GBE1: variants seen among roughly 807,000 people sequenced by gnomAD.
GBE1 encodes the protein 1,4-alpha-glucan-branching enzyme.
A neutral mutation model predicts 88.8 loss-of-function variants in GBE1; 70 were observed. The ratio of observed to expected loss-of-function variants is 0.79; its 90% CI spans 0.65 to 0.96. GBE1 has a LOEUF of 0.96. Ranked by LOEUF, GBE1 falls within the 40% of genes least tolerant of loss-of-function variation. GBE1 has a pLI of 0.00. For synonymous variants in GBE1, 284 were observed against 300.1 expected (o/e 0.95, Z 0.56); for missense variants, 872 against 871.0 (o/e 1.00, Z -0.01).
chr3:81,606,140 G>A (rs932831451), intron 7 of GBE1, among the ~76,000 whole-genome samples: 7 of 152,066 alleles, frequency 4.6e-5, no homozygotes, highest in East Asian at 1.9e-4. Flanking sequence ...GAAACCTTGC[G>A]TTTACAATGC....
chr3:81,628,247 G>A (rs965471804), intron 7 of GBE1, among the ~76,000 whole-genome samples: 2 of 152,026 alleles, frequency 1.3e-5, no homozygotes, highest in African/African-American at 4.8e-5. Context: ...TCCTGAAATA[G>A]GGGCCATGTC....
chr3:81,503,622 G>A (rs772942065), intron 14 of GBE1, among the ~76,000 whole-genome samples: 3 of 152,158 alleles, frequency 2.0e-5, no homozygotes, highest in Non-Finnish European at 4.4e-5. Flanking sequence ...AGGAAACTGA[G>A]ACTGAATTAG....
chr3:81,520,260 C>A (rs576150030), intron 14 of GBE1, among the ~76,000 whole-genome samples: 1 of 151,422 alleles, frequency 6.6e-6, no homozygotes, highest in Non-Finnish European at 1.5e-5. Flanking sequence ...TCTGTCGGTG[C>A]CATTTTTCTA....
At position 81,588,149 on chromosome 3, in the gene GBE1, T is replaced by C. The variant is rs573052834; in HGVS notation, c.1237-1959A>G. ...AAGGAAGGTATAAGTAAATATATTA[T>C]ATGGTAGAATACATCCATAAGAAAA... On this transcript the variant is annotated intron_variant, in intron 9 of 15. Coordinates refer to ENST00000429644, the MANE Select transcript of GBE1 (RefSeq NM_000158.4). 5.9e-5 allele frequency among the ~76,000 whole-genome samples: 9 copies of C among 152,060 alleles called. No homozygotes were observed. In the South Asian group the frequency reaches 1.7e-3, roughly 28 times the overall value.
At chr3:81,718,464 T>C (rs892584079) in intron 1 of GBE1, among the ~76,000 whole-genome samples, 13 of 152,128 alleles carry the variant, frequency 8.5e-5, no homozygotes, top group African/African-American at 3.1e-4. Context: ...CCGGGAGAAG[T>C]AGCATTATTC....
intron 7 of GBE1, among the ~76,000 whole-genome samples, chr3:81,638,945 CA>C (rs1704630599): frequency 6.6e-6 from 1 of 151,994 alleles, no homozygotes; most frequent in Non-Finnish European, 1.5e-5. Context: ...AAAATTATGA[CA>C]AAAGTTTTCA....
chr3:81,589,860 C>T (rs1199344587), intron 9 of GBE1, among the ~76,000 whole-genome samples: 1 of 151,954 alleles, frequency 6.6e-6, no homozygotes, highest in African/African-American at 2.4e-5. Context: ...TTAAAATACA[C>T]TCTGATTGAT....
intron 2 of GBE1, among the ~76,000 whole-genome samples, chr3:81,690,589 C>G (rs564730038): frequency 2.2e-4 from 34 of 152,222 alleles, no homozygotes; most frequent in African/African-American, 7.7e-4. Context: ...ATTTGCTAAT[C>G]AATTAATTGG....
intron 12 of GBE1, among the ~76,000 whole-genome samples, chr3:81,553,010 C>G (rs1703293818): frequency 6.6e-6 from 1 of 152,162 alleles, no homozygotes; most frequent in Non-Finnish European, 1.5e-5. Context: ...AGTATTCGAA[C>G]TTAGATGTCT....
chr3:81,606,725 T>A (rs1222750198), intron 7 of GBE1, among the ~76,000 whole-genome samples: 1 of 152,202 alleles, frequency 6.6e-6, no homozygotes, highest in African/African-American at 2.4e-5. Context: ...GCAAATATGA[T>A]CTCTTAGAGG....
intron 2 of GBE1, among the ~76,000 whole-genome samples, chr3:81,699,011 G>A (rs187288334): frequency 0.016 from 2,408 of 151,342 alleles, 58 homozygotes; most frequent in African/African-American, 0.054. Context: ...GTTCACATAC[G>A]TCAAAGAGGT....
rs1277211172 is a variant in GBE1, at chr3:81,586,191, C to CTA, written c.1237-3_1237-2dup. ...ACAGAGCTGGCATTCCTGATACATC[C>CTA]TACAACAAAGAACGTCGGTTCATAA... is the stretch of plus-strand genomic sequence containing the variant. On this transcript the variant is annotated splice_acceptor_variant, in intron 9 of 15. Transcript: ENST00000429644. LOFTEE classifies it high-confidence loss of function. The CTA allele has an allele frequency of 2.5e-6, 4 of 1,589,018 alleles. No individual in the cohort carries two copies. The highest frequency in any genetic ancestry group is 3.4e-6 in the Non-Finnish European group (4 of 1,165,970).
At chr3:81,615,591 T>C (rs189867318) in intron 7 of GBE1, among the ~76,000 whole-genome samples, 4 of 152,362 alleles carry the variant, frequency 2.6e-5, no homozygotes, top group Admixed American at 2.0e-4. Flanking sequence ...TGGAGATTCA[T>C]TCAAGTTGTG....
intron 1 of GBE1, chr3:81,743,724 C>T (rs781328974): frequency 2.6e-6 from 2 of 780,320 alleles, no homozygotes; most frequent in Non-Finnish European, 3.9e-6. Context: ...TTTGTCTGGC[C>T]CATGTTTTTG....
In GBE1 at chr3:81,629,697, A is replaced by G. The variant is rs566811511; in HGVS notation, c.992+13084T>C. ...GGGAGGCCACAAAACTGGATGTTTA[A>G]TTGTATTTTTTATATATTTTTTATT... is the stretch of plus-strand genomic sequence containing the variant. On this transcript the variant is annotated intron_variant, in intron 7 of 15. Coordinates refer to ENST00000429644, the MANE Select transcript of GBE1 (RefSeq NM_000158.4). Among the ~76,000 whole-genome samples, 15 of 152,092 alleles carry G rather than the reference A, an allele frequency of 9.9e-5. 1 individual carries two copies. Among genetic ancestry groups the G allele is most frequent in the African/African-American group, 3.6e-4 (15 of 41,518 alleles).
At chr3:81,559,858 A>C (rs1316158753) in intron 12 of GBE1, among the ~76,000 whole-genome samples, 1 of 152,050 alleles carries the variant, frequency 6.6e-6, no homozygotes, top group Non-Finnish European at 1.5e-5. Context: ...AATGAATAAC[A>C]AAACAGTAGC....
rs1703916279 is a variant in GBE1 at position 81,593,891 on chromosome 3, T to C, written c.1108+17A>G. Reference sequence around the variant, plus strand: ...TTCTGCAATTAACCCCAAACCTGATTATATCAGGTTACCTACCCACTCCAT... The same window carrying C: ...TTCTGCAATTAACCCCAAACCTGATCATATCAGGTTACCTACCCACTCCAT... On this transcript the variant is annotated intron_variant, in intron 8 of 15. Coordinates refer to ENST00000429644, the MANE Select transcript of GBE1 (RefSeq NM_000158.4). 1 of 1,298,054 alleles carries C rather than the reference T, an allele frequency of 7.7e-7. No homozygotes were observed. The highest frequency in any genetic ancestry group is 1.3e-5 in the South Asian group (1 of 75,926). 80.4% of individuals were successfully genotyped at this position (1,298,054 alleles called of 1,614,324 possible). A position where few individuals can be genotyped will look rare whatever the true frequency, so the allele number is the denominator to read the frequency against.
intron 3 of GBE1, among the ~76,000 whole-genome samples, chr3:81,651,116 G>T (rs1351260763): frequency 1.3e-5 from 2 of 152,186 alleles, no homozygotes; most frequent in African/African-American, 2.4e-5. Context: ...TCCTCTAATA[G>T]AGAAAGGTTA....
chr3:81,575,908 T>C (rs1435792307), intron 12 of GBE1, among the ~76,000 whole-genome samples: 2 of 152,206 alleles, frequency 1.3e-5, no homozygotes, highest in Non-Finnish European at 2.9e-5. Context: ...GCTGTAGTTT[T>C]CAATTTTCTC....
Sources: gnomAD v4.1 joint callset for allele counts (sites outside exome capture counted in the v4.1 genomes callset) on GRCh38, gnomAD v4.1.1 for gene constraint, MANE v1.5 for transcripts, NCBI Gene and HGNC (gene_info 2026-07-23, HGNC 2026-07-21) for gene names.